Variants in DOCK8 observed in about 807,000 individuals in gnomAD.
DOCK8 encodes dedicator of cytokinesis 8, also known as dedicator of cytokinesis protein 8.
Under a neutral mutation model 245.6 loss-of-function variants are expected in DOCK8, and 141 were observed. That is an observed-to-expected ratio of 0.57 (90% CI 0.50 to 0.66). The LOEUF (loss-of-function observed/expected upper bound fraction) is 0.66. Ranked by LOEUF, DOCK8 falls within the 30% of genes least tolerant of loss-of-function variation. The pLI is 0.00. For missense variants in DOCK8, 2,965 were observed against 2,603.4 expected (o/e 1.14, Z -3.02); for synonymous variants, 1,168 against 970.2 (o/e 1.20, Z -3.79).
chr9:340,223 G>T lies in DOCK8; in HGVS notation c.1581G>T (p.Met527Ile). The T allele has an allele frequency of 6.2e-7, 1 of 1,614,078 alleles. No individual in the cohort carries two copies. The highest frequency in any genetic ancestry group is 8.5e-7 in the Non-Finnish European group (1 of 1,180,008). ...EIINCCLTPE[M>I]LPVKPFPENR... Reference sequence around the variant, plus strand: ...TCAATTGCTGTCTGACTCCTGAAATGCTGCCCGTGAAACCCTTTCCTGAAA... The same window carrying T: ...TCAATTGCTGTCTGACTCCTGAAATTCTGCCCGTGAAACCCTTTCCTGAAA... Residue 527 changes from methionine (M) to isoleucine (I), a missense_variant, in exon 14 of 48, where the codon ATG becomes ATT. Coordinates refer to ENST00000432829, the MANE Select transcript of DOCK8 (RefSeq NM_203447.4).
At chr9:389,444 AT>A (rs2054089706) in intron 23 of DOCK8, among the ~76,000 whole-genome samples, 1 of 152,118 alleles carries the variant, frequency 6.6e-6, no homozygotes, top group African/African-American at 2.4e-5. Context: ...TGATACTACT[AT>A]GCCTTTCAGA....
intron 46 of DOCK8, chr9:456,268 A>G (rs72705633): frequency 1.9e-4 from 29 of 152,362 alleles, no homozygotes; most frequent in African/African-American, 6.5e-4. Context: ...TCTGGAAGTT[A>G]CAGCTTTTAA....
chr9:323,841 C>G (rs11793974), intron 7 of DOCK8, among the ~76,000 whole-genome samples: 15 of 152,278 alleles, frequency 9.9e-5, no homozygotes, highest in African/African-American at 3.4e-4. Context: ...CAGAATCTCC[C>G]TCCTTTTATG....
intron 20 of DOCK8, among the ~76,000 whole-genome samples, chr9:377,606 G>A (rs752140505): frequency 6.6e-6 from 1 of 152,166 alleles, no homozygotes; most frequent in Non-Finnish European, 1.5e-5. Context: ...ACATTGAAAT[G>A]CAATGCAATC....
intron 27 of DOCK8, among the ~76,000 whole-genome samples, chr9:406,183 G>A (rs2055407939): frequency 6.6e-6 from 1 of 152,174 alleles, no homozygotes. Context: ...CTGACAATGT[G>A]CTTAAGCCAA....
At chr9:434,686 C>A in intron 38 of DOCK8, 97 bp from the exon 39 acceptor site, 1 of 1,324,864 alleles carries the variant, frequency 7.5e-7, no homozygotes, top group Non-Finnish European at 1.1e-6. Flanking sequence ...GTACAGGGAA[C>A]TCTTGGGGAG....
chr9:364,075 G>C (rs921518276), intron 14 of DOCK8, among the ~76,000 whole-genome samples: 3 of 152,020 alleles, frequency 2.0e-5, no homozygotes, highest in African/African-American at 7.3e-5. Context: ...AGAATATAAG[G>C]GGATTCTTCC....
intron 1 of DOCK8, among the ~76,000 whole-genome samples, chr9:262,203 T>A (rs754030248): frequency 1.3e-5 from 2 of 152,040 alleles, no homozygotes; most frequent in African/African-American, 2.4e-5. Flanking sequence ...ATACAACATG[T>A]CTAGTATAAT....
intron 7 of DOCK8, among the ~76,000 whole-genome samples, chr9:324,405 G>C (rs2050663542): frequency 6.6e-6 from 1 of 152,116 alleles, no homozygotes; most frequent in South Asian, 2.1e-4. Flanking sequence ...GCTCTCTGCA[G>C]GTAACATCCA....
At chr9:225,084 A>G (rs942728754) in intron 1 of DOCK8, among the ~76,000 whole-genome samples, 2 of 152,212 alleles carry the variant, frequency 1.3e-5, no homozygotes, top group African/African-American at 4.8e-5. Flanking sequence ...TCAACAAGAT[A>G]TTTTATTGCC....
chr9:404,151 C>G (rs1165716197), intron 26 of DOCK8, among the ~76,000 whole-genome samples: 1 of 151,660 alleles, frequency 6.6e-6, no homozygotes, highest in South Asian at 2.1e-4. Flanking sequence ...AGCGCCCCTT[C>G]CTTCCCCTAT....
chr9:282,471 T>C (rs1389600098), intron 2 of DOCK8, among the ~76,000 whole-genome samples: 2 of 148,082 alleles, frequency 1.4e-5, no homozygotes, highest in Non-Finnish European at 3.0e-5. Context: ...CAGGCTGGAG[T>C]GCAGTGATGT....
intron 6 of DOCK8, chr9:312,785 C>T (rs767759569): frequency 1.3e-5 from 4 of 308,340 alleles, no homozygotes; most frequent in Non-Finnish European, 2.5e-5. Flanking sequence ...TGAGAGGTGA[C>T]GATTATTCAA....
chr9:286,390 C>T (rs1037295049), intron 2 of DOCK8, 71 bp from the exon 3 acceptor site: 4 of 1,540,282 alleles, frequency 2.6e-6, no homozygotes, highest in Admixed American at 3.6e-5. Flanking sequence ...AGGCAAACAT[C>T]TACTATTGCC....
chr9:318,561 G>C (rs2050448751), intron 7 of DOCK8, among the ~76,000 whole-genome samples: 1 of 152,244 alleles, frequency 6.6e-6, no homozygotes. Flanking sequence ...AGCTATGGGT[G>C]GTCTCTTGAT....
chr9:316,693 A>C (rs1323523519), intron 6 of DOCK8, among the ~76,000 whole-genome samples: 1 of 152,250 alleles, frequency 6.6e-6, no homozygotes, highest in Non-Finnish European at 1.5e-5. Flanking sequence ...ATGTGTAATT[A>C]GAGTGGGCAA....
Position 286,515 on chromosome 9 carries a change from C to A in DOCK8, c.211C>A (p.His71Asn), listed in dbSNP as rs1444485949. The part of the protein sequence containing the change: ...PVDFEGLLMT[H>N]LNSLDVQLAQ... ...GGACTTTGAAGGACTTCTGATGACA[C>A]ACCTGAACAGCCTGGATGTGCAGCT... The change falls in exon 3 of 48, where the codon CAC (histidine) becomes AAC (asparagine). Residue 71 changes from histidine to asparagine, a missense_variant. By Grantham distance (68) the His-to-Asn change is moderately conservative (BLOSUM62 1). Around this residue, in one of 3 missense-constraint regions of DOCK8, gnomAD observed 2,825 missense variants for 2,453.5 expected, o/e 1.15. Transcript: ENST00000432829. 1 of 1,613,946 alleles carries A rather than the reference C, an allele frequency of 6.2e-7. No individual in the cohort carries two copies. The highest frequency in any genetic ancestry group is 1.7e-5 in the Admixed American group (1 of 59,988).
chr9:263,124 T>C (rs113045256), intron 1 of DOCK8, among the ~76,000 whole-genome samples: 8,707 of 152,066 alleles, frequency 0.057, 266 homozygotes, highest in South Asian at 0.068. Flanking sequence ...GGAGAATCGC[T>C]TAAACTGGGG....
intron 39 of DOCK8, among the ~76,000 whole-genome samples, chr9:435,853 G>A (rs1004007500): frequency 2.0e-5 from 3 of 152,164 alleles, no homozygotes; most frequent in Admixed American, 6.5e-5. Context: ...TTTTGTAAGA[G>A]ACATAGTTTG....
Sources: gnomAD v4.1 joint callset for allele counts (sites outside exome capture counted in the v4.1 genomes callset) on GRCh38, gnomAD v4.1.1 for gene constraint, gnomAD v4.1.1 regional missense constraint, MANE v1.5 for transcripts, NCBI Gene and HGNC (gene_info 2026-07-23, HGNC 2026-07-21) for gene names.